Variants in RECK observed in about 807,000 individuals in gnomAD.
RECK encodes the protein reversion-inducing cysteine-rich protein with Kazal motifs.
Under a neutral mutation model 115.1 loss-of-function variants are expected in RECK, and 69 were observed. The observed-to-expected ratio is 0.60, with a 90% CI of 0.49 to 0.73. The LOEUF (loss-of-function observed/expected upper bound fraction) is 0.73, where lower values mean the gene tolerates loss of function less well. Among genes scored for constraint, RECK ranks in the 30% least tolerant of loss-of-function variants. The pLI, the probability that RECK is intolerant of heterozygous loss-of-function variation, is 0.00. For synonymous variants in RECK, 414 were observed against 419.7 expected (o/e 0.99, Z 0.17); for missense variants, 1,047 against 1,203.7 (o/e 0.87, Z 1.93).
At chr9:36,071,740 G>A (rs1484181767) in intron 6 of RECK, among the ~76,000 whole-genome samples, 2 of 152,092 alleles carry the variant, frequency 1.3e-5, no homozygotes, top group African/African-American at 4.8e-5. Context: ...TTAGTCTTAA[G>A]GCAGTTAAGT....
At chr9:36,038,370 A>G (rs1402951190) in intron 1 of RECK, among the ~76,000 whole-genome samples, 1 of 152,218 alleles carries the variant, frequency 6.6e-6, no homozygotes, top group Non-Finnish European at 1.5e-5. Flanking sequence ...ACTATCCCAA[A>G]GAATAAAAGA....
intron 8 of RECK, among the ~76,000 whole-genome samples, chr9:36,087,350 A>T (rs1401683934): frequency 1.3e-5 from 2 of 152,216 alleles, no homozygotes; most frequent in Non-Finnish European, 2.9e-5. Context: ...AGGGACATGG[A>T]TGAAGCTGGA....
At chr9:36,117,823 T>C (rs770801475) in intron 17 of RECK, among the ~76,000 whole-genome samples, 2 of 152,016 alleles carry the variant, frequency 1.3e-5, no homozygotes, top group East Asian at 3.9e-4. Flanking sequence ...CTACTAAAAA[T>C]ACAAAAATTA....
intron 6 of RECK, 87 bp from the exon 7 acceptor site, chr9:36,080,518 G>T: frequency 9.4e-7 from 1 of 1,062,490 alleles, no homozygotes; most frequent in South Asian, 1.3e-5. Flanking sequence ...TTAATATCAT[G>T]ATTTCCATGT....
intron 1 of RECK, among the ~76,000 whole-genome samples, chr9:36,050,718 T>C (rs1468441583): frequency 6.6e-6 from 1 of 152,128 alleles, no homozygotes. Flanking sequence ...GATCGCATTA[T>C]GTCCTACTCT....
At chr9:36,105,115 T>C in intron 12 of RECK, 28 bp from the exon 13 acceptor site, 2 of 1,604,846 alleles carry the variant, frequency 1.2e-6, no homozygotes, top group Non-Finnish European at 1.7e-6. Context: ...TTTAGGTTGG[T>C]TAAACTAATC....
chr9:36,101,836 C>T lies in RECK; in HGVS notation c.1299-258C>T, dbSNP rs543486494. ...TTCATTTAATTTCCTTTCAAAGATACTGAAAAGCCACATTGCTGGTAGTAA... is the reference window on the plus strand; with the variant it reads ...TTCATTTAATTTCCTTTCAAAGATATTGAAAAGCCACATTGCTGGTAGTAA... On this transcript the variant is annotated intron_variant, in intron 11 of 20. Transcript: ENST00000377966. Among the ~76,000 whole-genome samples, 7 of 152,298 alleles carry T rather than the reference C, an allele frequency of 4.6e-5. No homozygotes were observed. In the East Asian group the frequency reaches 9.6e-4, roughly 21 times the overall value.
intron 1 of RECK, among the ~76,000 whole-genome samples, chr9:36,040,256 C>T (rs954156596): frequency 1.1e-4 from 16 of 152,188 alleles, no homozygotes; most frequent in South Asian, 2.1e-4. Flanking sequence ...AACCAAATGG[C>T]TAACACAGAG....
At position 36,116,989 on chromosome 9, in the gene RECK, A is replaced by G. The variant is rs917824183; in HGVS notation, c.2065A>G (p.Ile689Val). Residue 689 changes from isoleucine to valine, a missense_variant, in exon 17 of 21, where the codon ATA becomes GTA. Coordinates refer to ENST00000377966, the MANE Select transcript of RECK (RefSeq NM_021111.3). ...TGCTGCATTCGTCTTTTTCAGGTGCATACCCAAACCACAGGTCTGCCTGAC... is the reference window on the plus strand; with the variant it reads ...TGCTGCATTCGTCTTTTTCAGGTGCGTACCCAAACCACAGGTCTGCCTGAC... ...PNPCQKNQRCIPKPQVCLTTF... is the reference protein window; with the variant it reads ...PNPCQKNQRCVPKPQVCLTTF... 14 of 1,608,982 alleles carry G rather than the reference A, an allele frequency of 8.7e-6. No individual in the cohort carries two copies. The highest frequency in any genetic ancestry group is 4.5e-5 in the East Asian group (2 of 44,802).
intron 12 of RECK, among the ~76,000 whole-genome samples, chr9:36,102,924 C>A (rs1823617097): frequency 6.6e-6 from 1 of 151,188 alleles, no homozygotes; most frequent in Non-Finnish European, 1.5e-5. Context: ...CCAATGTACT[C>A]CAGGCTGGGC....
intron 6 of RECK, among the ~76,000 whole-genome samples, chr9:36,075,309 C>A (rs7873427): frequency 0.025 from 3,875 of 152,304 alleles, 171 homozygotes; most frequent in African/African-American, 0.087. Flanking sequence ...TGTTTCTCTG[C>A]AGATGTTACT....
intron 6 of RECK, among the ~76,000 whole-genome samples, chr9:36,073,658 T>C (rs1454061621): frequency 1.3e-5 from 2 of 152,204 alleles, no homozygotes. Context: ...CTTCAGTTGC[T>C]TCCCTGTAGA....
rs1007196209 is a variant in RECK, at chr9:36,037,181, G to T, written c.100+83G>T. 5 of 982,800 alleles carry T rather than the reference G, an allele frequency of 5.1e-6. No homozygotes were observed. The Admixed American group carries it at 1.8e-4, about 35-fold the overall frequency. 60.9% of individuals were successfully genotyped at this position (982,800 alleles called of 1,614,324 possible). On this transcript the variant is annotated intron_variant, in intron 1 of 20. Transcript: ENST00000377966. ...CAAGATGGCGCGGGGCAGGGGGCGG[G>T]GGTGCGCGCGACCCCCAGACCCTGC...
chr9:36,048,126 A>AATAT (rs56726335), intron 1 of RECK, among the ~76,000 whole-genome samples: 17,217 of 114,088 alleles, frequency 0.15, 1,659 homozygotes, highest in Admixed American at 0.2. Flanking sequence ...ACACAGGTTG[A>AATAT]ATATATATAT....
intron 12 of RECK, among the ~76,000 whole-genome samples, chr9:36,104,139 A>G (rs1240111053): frequency 6.6e-6 from 1 of 151,116 alleles, no homozygotes; most frequent in Non-Finnish European, 1.5e-5. Flanking sequence ...AAAACACGCT[A>G]AATTATCCTT....
At chr9:36,101,352 G>A (rs1823560760) in intron 11 of RECK, among the ~76,000 whole-genome samples, 1 of 152,196 alleles carries the variant, frequency 6.6e-6, no homozygotes, top group African/African-American at 2.4e-5. Context: ...TTAACACATA[G>A]TAATCTGCCC....
chr9:36,052,402 G>T, intron 2 of RECK, 79 bp downstream of exon 2: 1 of 1,052,358 alleles, frequency 9.5e-7, no homozygotes. Context: ...GGAGGCCAGG[G>T]TGGGAGGATT....
intron 2 of RECK, among the ~76,000 whole-genome samples, chr9:36,053,500 G>A (rs1821390223): frequency 1.3e-5 from 2 of 152,130 alleles, no homozygotes; most frequent in Admixed American, 6.5e-5. Context: ...CATCTAAATG[G>A]CTACCGGAGA....
chr9:36,082,152 T>TTCTCTCTCTCTCTCTCTCTCTCTCTCTC lies in RECK; in HGVS notation c.440-1204_440-1177dup, dbSNP rs71508008. 7.0e-5 allele frequency among the ~76,000 whole-genome samples: 8 copies of TTCTCTCTCTCTCTCTCTCTCTCTCTCTC among 113,708 alleles called. 1 individual carries two copies. The highest frequency in any genetic ancestry group is 3.4e-4 in the East Asian group (1 of 2,982). The allele number at this position is 113,708 out of a possible 152,430, so 74.6% of individuals were successfully genotyped here. A position where few individuals can be genotyped will look rare whatever the true frequency, so the allele number is the denominator to read the frequency against. On this transcript the variant is annotated intron_variant, in intron 7 of 20. Transcript: ENST00000377966. Reference sequence around the variant, plus strand: ...AATTATCAAGAATTTCCTCCCTGCTTTCTCTCTCTCTCTCTCTCTCTCTCT... The same window carrying TTCTCTCTCTCTCTCTCTCTCTCTCTCTC: ...AATTATCAAGAATTTCCTCCCTGCTTTCTCTCTCTCTCTCTCTCTCTCTCTCTCTCTCTCTCTCTCTCTCTCTCTCTCT...
Sources: gnomAD v4.1 joint callset for allele counts (sites outside exome capture counted in the v4.1 genomes callset) on GRCh38, gnomAD v4.1.1 for gene constraint, MANE v1.5 for transcripts, NCBI Gene and HGNC (gene_info 2026-07-23, HGNC 2026-07-21) for gene names.